ASAP1: variants seen among roughly 807,000 people sequenced by gnomAD.
ASAP1 encodes ArfGAP with SH3 domain, ankyrin repeat and PH domain 1.
In ASAP1, 43 loss-of-function variants were observed where a neutral mutation model predicts 145.2. The observed-to-expected ratio is 0.30, with a 90% CI of 0.23 to 0.38. The LOEUF is 0.38. Ranked by LOEUF, ASAP1 falls within the 10% of genes least tolerant of loss-of-function variation. ASAP1 has a pLI of 1.00. For missense variants in ASAP1, 1,018 were observed against 1,355.3 expected, an observed-to-expected ratio of 0.75 and a Z score of 3.91; for synonymous variants, 546 against 515.5, an observed-to-expected ratio of 1.06 and a Z score of -0.80.
At chr8:130,152,057 G>A (rs1355041707) in intron 13 of ASAP1, among the ~76,000 whole-genome samples, 2 of 152,186 alleles carry the variant, frequency 1.3e-5, no homozygotes, top group South Asian at 2.1e-4. Context: ...AAAGTCAGCT[G>A]TAAGTCATAC....
intron 24 of ASAP1, among the ~76,000 whole-genome samples, chr8:130,099,471 C>T (rs1024011618): frequency 5.3e-5 from 8 of 151,456 alleles, no homozygotes; most frequent in South Asian, 2.1e-4. Context: ...TGAGCCACTG[C>T]GCCCGGCCAG....
chr8:130,237,545 A>G (rs573247161), intron 3 of ASAP1, among the ~76,000 whole-genome samples: 1 of 152,216 alleles, frequency 6.6e-6, no homozygotes, highest in South Asian at 2.1e-4. Context: ...AATTTTGGCA[A>G]TCTTTTAATT....
intron 12 of ASAP1, among the ~76,000 whole-genome samples, chr8:130,159,292 C>T (rs985753725): frequency 2.0e-5 from 3 of 151,884 alleles, no homozygotes; most frequent in African/African-American, 7.3e-5. Flanking sequence ...GGTTGGGTGG[C>T]CTGGTGAGCA....
chr8:130,193,717 CT>C (rs930680049), intron 5 of ASAP1, among the ~76,000 whole-genome samples: 2 of 152,072 alleles, frequency 1.3e-5, no homozygotes, highest in Non-Finnish European at 2.9e-5. Context: ...TTATTAGTAC[CT>C]TGATCTGAAA....
intron 27 of ASAP1, among the ~76,000 whole-genome samples, chr8:130,072,824 T>TGTGTGTGTGTGCGTGCGCGCGCGCGCGC: frequency 3.1e-5 from 1 of 32,282 alleles, no homozygotes; most frequent in Non-Finnish European, 5.7e-5. Context: ...TGTGTGTGTG[T>TGTGTGTGTGTGCGTGCGCGCGCGCGCGC]GCGCGCGGGG....
rs34138357 is a variant in ASAP1, at chr8:130,420,235, TACACACACACACACACACAC to T, written c.-27-18285_-27-18266del. On this transcript the variant is annotated intron_variant, in intron 1 of 29. Transcript: ENST00000518721. ...ACCCACTAGGCTGGCCATAATGAAA[TACACACACACACACACACAC>T]ACACACACACACACACACACACACA... Among the ~76,000 whole-genome samples, 764 of 139,424 alleles carry T rather than the reference TACACACACACACACACACAC, an allele frequency of 5.5e-3. 5 individuals carry two copies. The highest frequency in any genetic ancestry group is 0.01 in the Middle Eastern group (3 of 286). 91.5% of individuals were successfully genotyped at this position (139,424 alleles called of 152,430 possible).
At chr8:130,081,066 C>T (rs992064086) in intron 25 of ASAP1, among the ~76,000 whole-genome samples, 47 of 152,334 alleles carry the variant, frequency 3.1e-4, no homozygotes, top group African/African-American at 1.1e-3. Context: ...ATAGGAAATA[C>T]ACTAATAATG....
At chr8:130,242,261 T>TAA (rs571916495) in intron 3 of ASAP1, among the ~76,000 whole-genome samples, 7,499 of 85,280 alleles carry the variant, frequency 0.088, 288 homozygotes, top group Non-Finnish European at 0.095. Context: ...GTGATTTCCT[T>TAA]AAAAAAAAAA....
chr8:130,147,736 T>C (rs374908183), intron 13 of ASAP1, among the ~76,000 whole-genome samples: 7 of 152,194 alleles, frequency 4.6e-5, no homozygotes, highest in Non-Finnish European at 1.0e-4. Context: ...GTGGTCTGAC[T>C]CTCCCCCTGT....
intron 3 of ASAP1, among the ~76,000 whole-genome samples, chr8:130,336,057 A>G (rs1468364864): frequency 1.1e-5 from 1 of 89,334 alleles, no homozygotes; most frequent in African/African-American, 5.4e-5. Context: ...CTCAACTCCA[A>G]ACTCTGTCTC....
At chr8:130,177,882 T>C (rs1036787793) in intron 9 of ASAP1, among the ~76,000 whole-genome samples, 2 of 152,212 alleles carry the variant, frequency 1.3e-5, no homozygotes, top group African/African-American at 2.4e-5. Flanking sequence ...TGCATTCTTT[T>C]TCACTTTTTA....
At chr8:130,145,035 G>T (rs934349134) in intron 13 of ASAP1, among the ~76,000 whole-genome samples, 1 of 152,116 alleles carries the variant, frequency 6.6e-6, no homozygotes, top group Non-Finnish European at 1.5e-5. Flanking sequence ...AGCTTACTGG[G>T]GCTCCTGCTA....
chr8:130,055,271 C>G (rs868553386), intron 29 of ASAP1, among the ~76,000 whole-genome samples: 1 of 149,476 alleles, frequency 6.7e-6, no homozygotes, highest in Admixed American at 6.7e-5. Context: ...CCCTTCTCTC[C>G]AGGCTTGTGT....
At chr8:130,242,055 T>C (rs1424234504) in intron 3 of ASAP1, among the ~76,000 whole-genome samples, 1 of 151,908 alleles carries the variant, frequency 6.6e-6, no homozygotes, top group Non-Finnish European at 1.5e-5. Flanking sequence ...TAGCAGGGAA[T>C]TATACCTACC....
intron 4 of ASAP1, among the ~76,000 whole-genome samples, chr8:130,233,647 C>G (rs1818041572): frequency 6.6e-6 from 1 of 152,120 alleles, no homozygotes; most frequent in Non-Finnish European, 1.5e-5. Context: ...CCTATTTCAC[C>G]CTTTGCACTT....
intron 15 of ASAP1, among the ~76,000 whole-genome samples, chr8:130,131,943 A>G (rs143529243): frequency 7.9e-5 from 12 of 152,374 alleles, no homozygotes; most frequent in African/African-American, 2.9e-4. Flanking sequence ...TTCTAAGAGT[A>G]AATAAAATAT....
At chr8:130,102,407 T>C (rs1310538725) in intron 24 of ASAP1, among the ~76,000 whole-genome samples, 1 of 152,254 alleles carries the variant, frequency 6.6e-6, no homozygotes. Context: ...ATTTATTGAT[T>C]AGCGTATGTT....
intron 2 of ASAP1, among the ~76,000 whole-genome samples, chr8:130,392,330 G>A (rs546992937): frequency 6.6e-6 from 1 of 152,312 alleles, no homozygotes; most frequent in Non-Finnish European, 1.5e-5. Context: ...CAGACAAAAG[G>A]AAGTCCCTTT....
chr8:130,114,241 C>T (rs1487518139), intron 23 of ASAP1, among the ~76,000 whole-genome samples: 1 of 152,110 alleles, frequency 6.6e-6, no homozygotes, highest in Admixed American at 6.6e-5. Flanking sequence ...TTACACAAAC[C>T]TAGATGGGAG....
Sources: allele counts gnomAD v4.1 joint callset (sites outside exome capture counted in the v4.1 genomes callset), GRCh38; gene constraint gnomAD v4.1.1; transcripts MANE v1.5; gene names NCBI Gene and HGNC (gene_info 2026-07-23, HGNC 2026-07-21).